The following CRYBG3 variants were observed in gnomAD, a reference collection of about 807,000 sequenced individuals.
The protein encoded by CRYBG3 is crystallin beta-gamma domain containing 3.
CRYBG3 carries 127 observed loss-of-function variants against 244.2 expected under a neutral mutation model. That is an observed-to-expected ratio of 0.52 (90% CI 0.45 to 0.60). The LOEUF is 0.60. CRYBG3 is among the 20% of genes least tolerant of loss of function. The probability of loss-of-function intolerance (pLI) is 0.00; values close to 1 mark genes in which losing one functional copy is unlikely to be tolerated. For synonymous variants in CRYBG3, 1,132 were observed against 1,195.8 expected (o/e 0.95, Z 1.10); for missense variants, 3,325 against 3,442.5 (o/e 0.97, Z 0.85).
chr3:97,927,155 G>A (rs576376543), intron 17 of CRYBG3, among the ~76,000 whole-genome samples: 17 of 152,028 alleles, frequency 1.1e-4, no homozygotes, highest in Non-Finnish European at 1.6e-4. Context: ...CATGCCACCC[G>A]ATTTCAAACT....
At chr3:97,924,976 T>A (rs990995764) in intron 17 of CRYBG3, among the ~76,000 whole-genome samples, 2 of 152,012 alleles carry the variant, frequency 1.3e-5, no homozygotes, top group African/African-American at 4.8e-5. Flanking sequence ...CCATATAACC[T>A]ACAAAGGTTT....
intron 17 of CRYBG3, among the ~76,000 whole-genome samples, chr3:97,919,714 T>TA (rs3058034): frequency 0.044 from 5,645 of 127,026 alleles, 155 homozygotes; most frequent in Middle Eastern, 0.089. Context: ...ATAAAATGAT[T>TA]AAAAAAAAAA....
intron 19 of CRYBG3, among the ~76,000 whole-genome samples, chr3:97,938,246 C>T (rs1366172959): frequency 6.6e-6 from 1 of 151,928 alleles, no homozygotes; most frequent in African/African-American, 2.4e-5. Flanking sequence ...TGATTCCTAC[C>T]TGTGACAATA....
chr3:97,886,217 T>A (rs2039505332), intron 7 of CRYBG3, among the ~76,000 whole-genome samples: 2 of 152,174 alleles, frequency 1.3e-5, no homozygotes, highest in Non-Finnish European at 2.9e-5. Flanking sequence ...TTTTTTTATA[T>A]CCCCGATGAG....
At chr3:97,829,789 T>G (rs34502689) in intron 1 of CRYBG3, among the ~76,000 whole-genome samples, 1 of 152,122 alleles carries the variant, frequency 6.6e-6, no homozygotes, top group Non-Finnish European at 1.5e-5. Flanking sequence ...ATGCATGCAG[T>G]TTTGTGGGGA....
At chr3:97,929,387 T>C (rs912615014) in intron 17 of CRYBG3, among the ~76,000 whole-genome samples, 39 of 152,008 alleles carry the variant, frequency 2.6e-4, no homozygotes, top group Middle Eastern at 3.4e-3. Context: ...ATCAGAAAAA[T>C]ATGATTTTAA....
chr3:97,825,187 T>C (rs2038562141), intron 1 of CRYBG3, among the ~76,000 whole-genome samples: 1 of 152,136 alleles, frequency 6.6e-6, no homozygotes, highest in African/African-American at 2.4e-5. Context: ...CTAGACAAAA[T>C]GTTTGGCTCT....
chr3:97,900,977 A>C (rs1270936241), intron 15 of CRYBG3, among the ~76,000 whole-genome samples: 1 of 152,184 alleles, frequency 6.6e-6, no homozygotes, highest in Non-Finnish European at 1.5e-5. Flanking sequence ...AATACTTTGG[A>C]GCCCAACATT....
intron 4 of CRYBG3, among the ~76,000 whole-genome samples, chr3:97,878,283 C>T (rs1174659228): frequency 2.0e-5 from 3 of 151,938 alleles, no homozygotes; most frequent in East Asian, 1.9e-4. Flanking sequence ...TGGTGGCGGG[C>T]GCCTGTAATC....
At chr3:97,914,432 T>C (rs916747873) in intron 16 of CRYBG3, among the ~76,000 whole-genome samples, 1 of 152,154 alleles carries the variant, frequency 6.6e-6, no homozygotes, top group African/African-American at 2.4e-5. Flanking sequence ...CACTGAATTC[T>C]AGGACAAACT....
At chr3:97,833,577 G>T (rs538500838) in intron 1 of CRYBG3, among the ~76,000 whole-genome samples, 1 of 152,204 alleles carries the variant, frequency 6.6e-6, no homozygotes, top group Admixed American at 6.5e-5. Flanking sequence ...TTGTCAGGGG[G>T]TGTCTAGGGG....
At chr3:97,927,713 AAAAC>A (rs1473955486) in intron 17 of CRYBG3, among the ~76,000 whole-genome samples, 1 of 152,220 alleles carries the variant, frequency 6.6e-6, no homozygotes, top group Non-Finnish European at 1.5e-5. Flanking sequence ...CAACAAGCAA[AAAAC>A]AAACAACCCC....
chr3:97,926,265 A>G (rs1477422674), intron 17 of CRYBG3, among the ~76,000 whole-genome samples: 1 of 152,136 alleles, frequency 6.6e-6, no homozygotes, highest in African/African-American at 2.4e-5. Context: ...TTGGTTCAAT[A>G]TATACAAATC....
chr3:97,930,603 C>G (rs2040087010), intron 17 of CRYBG3, among the ~76,000 whole-genome samples: 1 of 152,008 alleles, frequency 6.6e-6, no homozygotes, highest in African/African-American at 2.4e-5. Context: ...TCACTGCACA[C>G]AGCAATTGTT....
At chr3:97,848,835 C>T (rs2038941425) in intron 2 of CRYBG3, among the ~76,000 whole-genome samples, 1 of 152,186 alleles carries the variant, frequency 6.6e-6, no homozygotes, top group African/African-American at 2.4e-5. Flanking sequence ...AGTGCTCCCA[C>T]CCCAACAATA....
chr3:97,907,938 T>C (rs1219130204), intron 15 of CRYBG3, among the ~76,000 whole-genome samples: 32 of 152,170 alleles, frequency 2.1e-4, no homozygotes, highest in Non-Finnish European at 4.0e-4. Flanking sequence ...GAGATTCTGG[T>C]ATGTTGTGTC....
chr3:97,896,364 G>A (rs1009444661), intron 12 of CRYBG3, among the ~76,000 whole-genome samples: 4 of 152,066 alleles, frequency 2.6e-5, no homozygotes, highest in South Asian at 2.1e-4. Context: ...TACACAGCAG[G>A]CAGTCTGGTA....
chr3:97,852,661 C>T (rs1362804567), intron 2 of CRYBG3, among the ~76,000 whole-genome samples: 2 of 152,166 alleles, frequency 1.3e-5, no homozygotes, highest in Non-Finnish European at 2.9e-5. Context: ...ATCTCTTTGA[C>T]ATACTGATTT....
intron 5 of CRYBG3, 86 bp downstream of exon 5, chr3:97,879,834 A>T: frequency 9.8e-7 from 1 of 1,024,534 alleles, no homozygotes; most frequent in Non-Finnish European, 1.5e-6. Flanking sequence ...TGACTTAGAT[A>T]ATGATTTTAT....
Sources: gnomAD v4.1 joint callset for allele counts (sites outside exome capture counted in the v4.1 genomes callset) on GRCh38, gnomAD v4.1.1 for gene constraint, MANE v1.5 for transcripts, NCBI Gene and HGNC (gene_info 2026-07-23, HGNC 2026-07-21) for gene names.